Variants in ZDHHC14 observed in about 807,000 individuals in gnomAD.
ZDHHC14 encodes the protein zDHHC palmitoyltransferase 14, also known as palmitoyltransferase ZDHHC14.
A neutral mutation model predicts 47.7 loss-of-function variants in ZDHHC14; 16 were observed. The observed-to-expected ratio is 0.34, with a 90% confidence interval of 0.23 to 0.51. The LOEUF (loss-of-function observed/expected upper bound fraction) is 0.51. ZDHHC14 is among the 20% of genes least tolerant of loss of function. The pLI is 0.97. For missense variants in ZDHHC14, 515 were observed against 662.5 expected, an observed-to-expected ratio of 0.78 and a Z score of 2.44; for synonymous variants, 293 against 278.9, an observed-to-expected ratio of 1.05 and a Z score of -0.50.
At chr6:157,644,937 G>C (rs757770893) in intron 5 of ZDHHC14, among the ~76,000 whole-genome samples, 10 of 152,136 alleles carry the variant, frequency 6.6e-5, no homozygotes, top group Non-Finnish European at 1.0e-4. Flanking sequence ...CTGATCTGCT[G>C]AAGAGCACCA....
chr6:157,560,189 C>T (rs146298416), intron 2 of ZDHHC14, among the ~76,000 whole-genome samples: 3,315 of 152,316 alleles, frequency 0.022, 120 homozygotes, highest in African/African-American at 0.075. Context: ...TTTTGCTGCA[C>T]TTGCTGGGGA....
intron 2 of ZDHHC14, among the ~76,000 whole-genome samples, chr6:157,566,754 G>T (rs1405649526): frequency 6.6e-6 from 1 of 152,120 alleles, no homozygotes; most frequent in African/African-American, 2.4e-5. Flanking sequence ...GTCCCATCTG[G>T]GTCACTAGAA....
At chr6:157,416,972 G>GTTTTTTTTTTTTTTTTTT (rs71027335) in intron 1 of ZDHHC14, among the ~76,000 whole-genome samples, 4 of 45,558 alleles carry the variant, frequency 8.8e-5, no homozygotes, top group Non-Finnish European at 1.0e-4. Flanking sequence ...TGCCTGGCTA[G>GTTTTTTTTTTTTTTTTTT]TTTTTTTTTT....
chr6:157,527,996 T>G (rs1781219167), intron 1 of ZDHHC14, among the ~76,000 whole-genome samples: 1 of 152,214 alleles, frequency 6.6e-6, no homozygotes, highest in Non-Finnish European at 1.5e-5. Flanking sequence ...TGGCACTTAT[T>G]TAATTGATTG....
At chr6:157,568,549 G>A (rs540497460) in intron 2 of ZDHHC14, among the ~76,000 whole-genome samples, 15 of 151,948 alleles carry the variant, frequency 9.9e-5, no homozygotes, top group East Asian at 9.6e-4. Context: ...AATAAATCCC[G>A]TCTTGTTGAC....
rs535239970 is a variant in ZDHHC14, at chr6:157,586,981, G to A, written c.407-6007G>A. 1.3e-5 allele frequency among the ~76,000 whole-genome samples: 2 copies of A among 152,284 alleles called. No homozygotes were observed. Among genetic ancestry groups the A allele is most frequent in the African/African-American group, 2.4e-5 (1 of 41,550 alleles). ...ATAGAGTTTATCTTCAGGAGTGTCA[G>A]CAAATACTCACTTTATCAAGTCATT... is the stretch of plus-strand genomic sequence containing the variant. On this transcript the variant is annotated intron_variant, in intron 2 of 8. Coordinates refer to ENST00000359775, the MANE Select transcript of ZDHHC14 (RefSeq NM_024630.3). This position sits in a 1 kb window ranked among gnomAD's most constrained non-coding sequence, Gnocchi z 4.6.
intron 1 of ZDHHC14, among the ~76,000 whole-genome samples, chr6:157,421,569 G>A (rs1292861871): frequency 6.7e-6 from 1 of 148,838 alleles, no homozygotes. Context: ...TAATGGAAAA[G>A]CACTAAAAGA....
At chr6:157,397,733 A>T (rs182920648) in intron 1 of ZDHHC14, among the ~76,000 whole-genome samples, 2 of 152,188 alleles carry the variant, frequency 1.3e-5, no homozygotes, top group African/African-American at 4.8e-5. Context: ...TCCCTTCCAC[A>T]TCCGGATTCT....
intron 1 of ZDHHC14, among the ~76,000 whole-genome samples, chr6:157,530,944 A>T (rs1002291216): frequency 6.6e-6 from 1 of 152,202 alleles, no homozygotes; most frequent in Non-Finnish European, 1.5e-5. Context: ...AAACATTGTA[A>T]AGCAAAATTT....
At chr6:157,388,682 T>C (rs1237893182) in intron 1 of ZDHHC14, among the ~76,000 whole-genome samples, 1 of 152,234 alleles carries the variant, frequency 6.6e-6, no homozygotes, top group African/African-American at 2.4e-5. Context: ...AACTTATTTT[T>C]ATAAACTGGA....
chr6:157,471,828 G>A (rs1779362255), intron 1 of ZDHHC14, among the ~76,000 whole-genome samples: 2 of 152,214 alleles, frequency 1.3e-5, no homozygotes, highest in Non-Finnish European at 2.9e-5. Flanking sequence ...TCTATGAAGT[G>A]GGGGTTCCAA....
At chr6:157,537,618 T>C (rs1220531569) in intron 1 of ZDHHC14, among the ~76,000 whole-genome samples, 1 of 152,204 alleles carries the variant, frequency 6.6e-6, no homozygotes, top group Non-Finnish European at 1.5e-5. Context: ...TGCCCTGAGT[T>C]GTATGTAGGT....
chr6:157,645,147 C>T (rs530844557), intron 5 of ZDHHC14, among the ~76,000 whole-genome samples: 2 of 152,052 alleles, frequency 1.3e-5, no homozygotes, highest in Admixed American at 6.5e-5. Context: ...GAAATCCCAC[C>T]GCCGGTTCAG....
chr6:157,666,440 A>C (rs1778559494), intron 8 of ZDHHC14, among the ~76,000 whole-genome samples: 1 of 152,214 alleles, frequency 6.6e-6, no homozygotes, highest in Admixed American at 6.5e-5. Context: ...AGGCAAACGT[A>C]AATGATAATG....
intron 1 of ZDHHC14, among the ~76,000 whole-genome samples, chr6:157,468,197 AC>A (rs1234866512): frequency 6.6e-6 from 1 of 152,162 alleles, no homozygotes; most frequent in African/African-American, 2.4e-5. Flanking sequence ...AGCAAGCTTC[AC>A]TGGAGGGAGC....
chr6:157,421,694 G>A (rs542402344), intron 1 of ZDHHC14, among the ~76,000 whole-genome samples: 3 of 151,716 alleles, frequency 2.0e-5, no homozygotes, highest in South Asian at 2.1e-4. Context: ...AGCAACCTCC[G>A]CCTCCTGCGT....
At chr6:157,489,122 C>A (rs1259534979) in intron 1 of ZDHHC14, among the ~76,000 whole-genome samples, 1 of 152,236 alleles carries the variant, frequency 6.6e-6, no homozygotes, top group African/African-American at 2.4e-5. Flanking sequence ...GTGTAAGCAA[C>A]CTGCCTCATC....
chr6:157,548,407 G>A (rs913100931), intron 2 of ZDHHC14, among the ~76,000 whole-genome samples: 3 of 150,310 alleles, frequency 2.0e-5, no homozygotes, highest in Admixed American at 1.3e-4. Flanking sequence ...GCTGCTTTCC[G>A]CCCTGTTCTT....
chr6:157,384,184 C>T (rs528334788), intron 1 of ZDHHC14, among the ~76,000 whole-genome samples: 9 of 152,290 alleles, frequency 5.9e-5, no homozygotes, highest in African/African-American at 2.2e-4. Context: ...GATTCTGTTG[C>T]AGAGCTTCAG....
Sources: gnomAD v4.1 joint callset for allele counts (sites outside exome capture counted in the v4.1 genomes callset) on GRCh38, gnomAD v4.1.1 for gene constraint, Gnocchi (gnomAD v3.1) non-coding constraint, MANE v1.5 for transcripts, NCBI Gene and HGNC (gene_info 2026-07-23, HGNC 2026-07-21) for gene names.